Variants in PRDM16 observed in about 807,000 individuals in gnomAD.
The protein encoded by PRDM16 is PR/SET domain 16.
In PRDM16, 23 loss-of-function variants were observed where a neutral mutation model predicts 110.6. That is an observed-to-expected ratio of 0.21 (90% CI 0.15 to 0.29). The LOEUF (loss-of-function observed/expected upper bound fraction) is 0.29. Ranked by LOEUF, PRDM16 falls within the 10% of genes least tolerant of loss-of-function variation. The probability of loss-of-function intolerance (pLI) is 1.00; values close to 1 mark genes in which losing one functional copy is unlikely to be tolerated. For synonymous variants in PRDM16, 799 were observed against 781.8 expected (o/e 1.02, Z -0.37); for missense variants, 1,615 against 1,794.3 (o/e 0.90, Z 1.81).
In PRDM16 at chr1:3,246,551, T is replaced by G. The variant is rs1390208857; in HGVS notation, c.438+2414T>G. Among the ~76,000 whole-genome samples the G allele has an allele frequency of 6.6e-6, 1 of 152,186 alleles. No homozygotes were observed. ...CCAGGGCTCCTCCCTGCCGCTGCCC[T>G]GCAGGCCCAGTCCGAGGGGCTGGGG... On this transcript the variant is annotated intron_variant, in intron 3 of 16. Coordinates refer to ENST00000270722, the MANE Select transcript of PRDM16 (RefSeq NM_022114.4). This position sits in a 1 kb window ranked among gnomAD's most constrained non-coding sequence, Gnocchi z 5.2.
rs375877356 is a variant in PRDM16, at chr1:3,396,515, A to G, written c.598A>G (p.Ile200Val). 2.5e-5 allele frequency: 40 copies of G among 1,602,694 alleles called. No homozygotes were observed. The highest frequency in any genetic ancestry group is 3.4e-5 in the Non-Finnish European group (40 of 1,172,894). The change falls in exon 5 of 17, where the codon ATT becomes GTT. Residue 200 changes from isoleucine (I) to valine (V), a missense_variant. Coordinates refer to ENST00000270722, the MANE Select transcript of PRDM16 (RefSeq NM_022114.4). ...EQIYYKVIKD[I>V]EPGEELLVHV... ...GATTTACTATAAAGTCATTAAGGAC[A>G]TTGAGCCAGGTGAGGAGCTGCTGGT... is the stretch of plus-strand genomic sequence containing the variant.
intron 3 of PRDM16, among the ~76,000 whole-genome samples, chr1:3,270,689 G>GTGTGGGCCCTGT (rs1286598697): frequency 6.8e-6 from 1 of 146,728 alleles, no homozygotes. Context: ...GAGGAGGACA[G>GTGTGGGCCCTGT]TCGGGGAGGA....
At chr1:3,242,731 G>A (rs1432048156) in intron 2 of PRDM16, among the ~76,000 whole-genome samples, 1 of 152,246 alleles carries the variant, frequency 6.6e-6, no homozygotes, top group Non-Finnish European at 1.5e-5. Context: ...GGCACGCTGT[G>A]CTGCTGTGCT....
At chr1:3,267,268 G>A (rs1640316959) in intron 3 of PRDM16, among the ~76,000 whole-genome samples, 1 of 152,152 alleles carries the variant, frequency 6.6e-6, no homozygotes, top group African/African-American at 2.4e-5. Flanking sequence ...GTCATGCAGC[G>A]TGTGGCTCTT....
chr1:3,402,461 C>G (rs533363865), intron 5 of PRDM16, among the ~76,000 whole-genome samples: 9 of 152,390 alleles, frequency 5.9e-5, no homozygotes, highest in South Asian at 4.1e-4. Context: ...GCCCGGCTTC[C>G]TCCTCCACTC....
At chr1:3,271,840 T>G (rs1640463305) in intron 3 of PRDM16, among the ~76,000 whole-genome samples, 1 of 152,124 alleles carries the variant, frequency 6.6e-6, no homozygotes, top group Non-Finnish European at 1.5e-5. Flanking sequence ...GGCACAGGGC[T>G]CCCTTCTCTC....
intron 1 of PRDM16, among the ~76,000 whole-genome samples, chr1:3,079,336 C>A (rs1298064129): frequency 6.6e-6 from 1 of 152,090 alleles, no homozygotes; most frequent in Non-Finnish European, 1.5e-5. Flanking sequence ...GCTGGCCCAG[C>A]CCCTGTGTGT....
At position 3,080,397 on chromosome 1, in the gene PRDM16, G is replaced by A. The variant is rs565621393; in HGVS notation, c.37+11101G>A. ...TACGGCCGACCCGCGCTTTCCGATC[G>A]GTTTCTCTACCCCGGCCCATCCAGC... On this transcript the variant is annotated intron_variant, in intron 1 of 16. Transcript: ENST00000270722. This position sits in a 1 kb window ranked among gnomAD's most constrained non-coding sequence, Gnocchi z 5.2. 2.6e-5 allele frequency among the ~76,000 whole-genome samples: 4 copies of A among 152,248 alleles called. No individual in the cohort carries two copies. In the South Asian group the frequency reaches 6.2e-4, roughly 24 times the overall value.
At chr1:3,229,294 C>G (rs1461642269) in intron 2 of PRDM16, among the ~76,000 whole-genome samples, 1 of 152,200 alleles carries the variant, frequency 6.6e-6, no homozygotes, top group East Asian at 1.9e-4. Flanking sequence ...CACAGTCCAG[C>G]ACAGAAGCAG....
chr1:3,344,978 G>A (rs1042179425), intron 3 of PRDM16, among the ~76,000 whole-genome samples: 7 of 152,182 alleles, frequency 4.6e-5, no homozygotes, highest in Admixed American at 2.0e-4. Flanking sequence ...AGGGGTTTGA[G>A]GGGTGTATAT....
intron 3 of PRDM16, among the ~76,000 whole-genome samples, chr1:3,311,933 C>T (rs1641471212): frequency 6.6e-6 from 1 of 152,178 alleles, no homozygotes; most frequent in African/African-American, 2.4e-5. Flanking sequence ...CAGGTCAGCT[C>T]CCGGGGCCCC....
chr1:3,234,564 C>T (rs1314381289), intron 2 of PRDM16, among the ~76,000 whole-genome samples: 2 of 152,172 alleles, frequency 1.3e-5, no homozygotes, highest in African/African-American at 4.8e-5. Flanking sequence ...AGGGCAGCTT[C>T]CCTAAGCCCC....
At chr1:3,242,767 C>T (rs1426611855) in intron 2 of PRDM16, among the ~76,000 whole-genome samples, 1 of 152,250 alleles carries the variant, frequency 6.6e-6, no homozygotes, top group African/African-American at 2.4e-5. Flanking sequence ...GTAAAGCCAT[C>T]ATGTAATATT....
chr1:3,347,552 CA>C (rs1409479020), intron 3 of PRDM16, among the ~76,000 whole-genome samples: 1 of 152,106 alleles, frequency 6.6e-6, no homozygotes, highest in Non-Finnish European at 1.5e-5. Context: ...AAGAGGCAGT[CA>C]GGGGGTGGGG....
At chr1:3,295,057 C>T (rs1641056932) in intron 3 of PRDM16, among the ~76,000 whole-genome samples, 1 of 152,232 alleles carries the variant, frequency 6.6e-6, no homozygotes, top group Admixed American at 6.5e-5. Flanking sequence ...CTTCGAGGTG[C>T]TCTCCTGCCT....
chr1:3,105,810 T>G (rs1642638882), intron 1 of PRDM16, among the ~76,000 whole-genome samples: 1 of 152,202 alleles, frequency 6.6e-6, no homozygotes, highest in Admixed American at 6.5e-5. Context: ...GTGCAGCCCC[T>G]TCCCCCTGCG....
rs773000533 is a variant in PRDM16 at position 3,148,553 on chromosome 1, C to T, written c.38-37572C>T. On this transcript the variant is annotated intron_variant, in intron 1 of 16. Coordinates refer to ENST00000270722, the MANE Select transcript of PRDM16 (RefSeq NM_022114.4). This position sits in a 1 kb window ranked among gnomAD's most constrained non-coding sequence, Gnocchi z 5.0. ...GTGGTGGCCCAGCCCTGGGGAGCAG[C>T]GTCAGGATTTTACAATCCAGGAGAT... Among the ~76,000 whole-genome samples the T allele has an allele frequency of 6.6e-6, 1 of 152,186 alleles. No individual in the cohort carries two copies. The highest frequency in any genetic ancestry group is 2.4e-5 in the African/African-American group (1 of 41,442).
At chr1:3,277,684 G>A (rs781462947) in intron 3 of PRDM16, among the ~76,000 whole-genome samples, 75 of 152,220 alleles carry the variant, frequency 4.9e-4, no homozygotes, top group Non-Finnish European at 8.4e-4. Flanking sequence ...CAGAGCTCCC[G>A]GAGCAGGGGA....
rs115499978 is a variant in PRDM16 at position 3,374,611 on chromosome 1, G to A, written c.439-10541G>A. ...GTGCGACTGTGGCCTTTCTCCTGGG[G>A]GCCGCTGTGCACATCTGAGACCCTC... On this transcript the variant is annotated intron_variant, in intron 3 of 16. Coordinates refer to ENST00000270722, the MANE Select transcript of PRDM16 (RefSeq NM_022114.4). Among the ~76,000 whole-genome samples the A allele has an allele frequency of 8.4e-3, 1,286 of 152,220 alleles. 25 individuals carry two copies. The highest frequency in any genetic ancestry group is 0.029 in the African/African-American group (1,206 of 41,510).
Sources: gnomAD v4.1 joint callset for allele counts (sites outside exome capture counted in the v4.1 genomes callset) on GRCh38, gnomAD v4.1.1 for gene constraint, Gnocchi (gnomAD v3.1) non-coding constraint, MANE v1.5 for transcripts, NCBI Gene and HGNC (gene_info 2026-07-23, HGNC 2026-07-21) for gene names.